Variants in SGK1 observed in about 807,000 individuals in gnomAD.
SGK1 encodes serine/threonine-protein kinase Sgk1.
In SGK1, 26 loss-of-function variants were observed where a neutral mutation model predicts 64.2. The ratio of observed to expected loss-of-function variants is 0.40; its 90% CI spans 0.30 to 0.56. The LOEUF (loss-of-function observed/expected upper bound fraction) is 0.56, where lower values mean the gene tolerates loss of function less well. SGK1 is among the 20% of genes least tolerant of loss of function. The pLI is 0.38. For missense variants in SGK1, 519 were observed against 645.6 expected, an observed-to-expected ratio of 0.80 and a Z score of 2.12; for synonymous variants, 265 against 239.7, an observed-to-expected ratio of 1.11 and a Z score of -0.98.
intron 3 of SGK1, among the ~76,000 whole-genome samples, chr6:134,195,355 T>C (rs773007485): frequency 3.3e-5 from 5 of 152,200 alleles, no homozygotes; most frequent in African/African-American, 2.4e-5. Flanking sequence ...TTTGCTCCAA[T>C]TGGAAAGCTT....
chr6:134,317,340 G>A (rs1386423257), intron 1 of SGK1, 52 bp downstream of exon 1: 1 of 1,136,516 alleles, frequency 8.8e-7, no homozygotes, highest in Non-Finnish European at 1.3e-6. Context: ...ACATTCAAAA[G>A]CATTTAAGAG....
rs1321142540 is a variant in SGK1 at position 134,261,660 on chromosome 6, T to C, written c.285+273A>G. The C allele has an allele frequency of 8.6e-6, 5 of 581,406 alleles. No individual in the cohort carries two copies. In the Admixed American group the frequency reaches 1.2e-4, roughly 14 times the overall value. 36.0% of individuals were successfully genotyped at this position (581,406 alleles called of 1,614,324 possible). A position where few individuals can be genotyped will look rare whatever the true frequency, so the allele number is the denominator to read the frequency against. ...CTGCTAGGGAATGTTGATGGCAAAG[T>C]AGGTTATACGTGCATGGGGACAAGC... is the stretch of plus-strand genomic sequence containing the variant. On this transcript the variant is annotated intron_variant, in intron 2 of 13. Transcript: ENST00000367858.
In SGK1 at chr6:134,285,174, T is replaced by G. The variant is rs373376308; in HGVS notation, c.70-23026A>C. On this transcript the variant is annotated intron_variant, in intron 1 of 13. Coordinates refer to ENST00000367858, the MANE Select transcript of SGK1 (RefSeq NM_001143676.3). ...CACCAGCAGTGTAAAAGTGCTCCCTTTTGGCTGGGCTCGGTGGCTCACGCC... is the reference window on the plus strand; with the variant it reads ...CACCAGCAGTGTAAAAGTGCTCCCTGTTGGCTGGGCTCGGTGGCTCACGCC... 2.2e-4 allele frequency among the ~76,000 whole-genome samples: 33 copies of G among 152,152 alleles called. No homozygotes were observed. The East Asian group carries it at 5.8e-3, about 27-fold the overall frequency.
At chr6:134,215,051 A>C (rs150034376) in intron 2 of SGK1, 257 of 455,846 alleles carry the variant, frequency 5.6e-4, no homozygotes, top group African/African-American at 4.9e-3. Context: ...TGAGAATATC[A>C]CATTTAGGGA....
chr6:134,240,313 A>G (rs1582735910), intron 2 of SGK1, among the ~76,000 whole-genome samples: 1 of 144,642 alleles, frequency 6.9e-6, no homozygotes, highest in Admixed American at 7.0e-5. Flanking sequence ...AAAAAAAAAA[A>G]GAGGGAACTG....
chr6:134,205,867 G>A (rs1775760414), intron 3 of SGK1, among the ~76,000 whole-genome samples: 1 of 152,124 alleles, frequency 6.6e-6, no homozygotes, highest in South Asian at 2.1e-4. Context: ...AAAGGTGAAA[G>A]CTCTATTATC....
intron 2 of SGK1, among the ~76,000 whole-genome samples, chr6:134,214,494 G>C (rs1263752457): frequency 6.6e-6 from 1 of 152,002 alleles, no homozygotes; most frequent in Non-Finnish European, 1.5e-5. Context: ...AGGAGGCTGA[G>C]GCAGGAGAAT....
At chr6:134,275,118 T>TA (rs1396310823) in intron 1 of SGK1, among the ~76,000 whole-genome samples, 1 of 151,916 alleles carries the variant, frequency 6.6e-6, no homozygotes, top group East Asian at 1.9e-4. Flanking sequence ...CATCTTTTTT[T>TA]AAAAAATAAA....
chr6:134,243,159 A>G (rs1776473598), intron 2 of SGK1, among the ~76,000 whole-genome samples: 1 of 152,130 alleles, frequency 6.6e-6, no homozygotes. Flanking sequence ...TATAGAAAAT[A>G]TAGAATCAAT....
intron 1 of SGK1, among the ~76,000 whole-genome samples, chr6:134,282,108 C>T (rs1320110385): frequency 1.3e-5 from 2 of 152,000 alleles, no homozygotes; most frequent in Non-Finnish European, 2.9e-5. Flanking sequence ...GAGGTGATAC[C>T]CTGACCTCTG....
At chr6:134,233,282 T>C (rs1030441322) in intron 2 of SGK1, among the ~76,000 whole-genome samples, 40 of 152,194 alleles carry the variant, frequency 2.6e-4, no homozygotes, top group Non-Finnish European at 1.8e-4. Flanking sequence ...AATTCTAATT[T>C]GGTGTTCTGG....
chr6:134,172,362 T>G, intron 9 of SGK1, 46 bp from the exon 10 acceptor site: 2 of 1,563,946 alleles, frequency 1.3e-6, no homozygotes, highest in Non-Finnish European at 1.8e-6. Flanking sequence ...TTAATTTCAC[T>G]TCATAAGATA....
intron 1 of SGK1, among the ~76,000 whole-genome samples, chr6:134,268,908 A>C (rs1344871687): frequency 7.0e-6 from 1 of 142,950 alleles, no homozygotes; most frequent in Admixed American, 7.4e-5. Flanking sequence ...TTCTTTGCTA[A>C]ATCCAGTCCA....
At chr6:134,281,287 C>G (rs909210870) in intron 1 of SGK1, among the ~76,000 whole-genome samples, 3 of 152,066 alleles carry the variant, frequency 2.0e-5, no homozygotes, top group African/African-American at 7.2e-5. Flanking sequence ...TTTCTACCAC[C>G]TATTAGATGT....
chr6:134,237,318 A>G (rs991443241), intron 2 of SGK1, among the ~76,000 whole-genome samples: 13 of 151,806 alleles, frequency 8.6e-5, no homozygotes, highest in Non-Finnish European at 7.4e-5. Context: ...TGGCCTCCCA[A>G]CGTGCTAAGA....
intron 2 of SGK1, among the ~76,000 whole-genome samples, chr6:134,236,582 TC>T: frequency 6.6e-6 from 1 of 151,970 alleles, no homozygotes; most frequent in East Asian, 1.9e-4. Context: ...AACAACAATC[TC>T]CCCACTGCAC....
intron 11 of SGK1, 100 bp downstream of exon 11, chr6:134,171,537 C>G (rs952152674): frequency 1.3e-6 from 1 of 769,902 alleles, no homozygotes; most frequent in Non-Finnish European, 2.2e-6. Flanking sequence ...TTTTGATAAG[C>G]GTACTGGTAA....
At chr6:134,174,390 A>G in intron 4 of SGK1, 121 bp downstream of exon 4, 1 of 685,140 alleles carries the variant, frequency 1.5e-6, no homozygotes, top group African/African-American at 1.8e-5. Flanking sequence ...GAATTTAAGG[A>G]GAAATGAGAT....
intron 3 of SGK1, among the ~76,000 whole-genome samples, chr6:134,201,547 A>G (rs1775684842): frequency 1.3e-5 from 2 of 151,924 alleles, no homozygotes; most frequent in South Asian, 4.2e-4. Context: ...TTTTTAGTAG[A>G]GACGGGGTTT....
Sources: gnomAD v4.1 joint callset for allele counts (sites outside exome capture counted in the v4.1 genomes callset) on GRCh38, gnomAD v4.1.1 for gene constraint, MANE v1.5 for transcripts, NCBI Gene and HGNC (gene_info 2026-07-23, HGNC 2026-07-21) for gene names.